The following P3H2 variants were observed in gnomAD, a reference collection of about 807,000 sequenced individuals.
The protein encoded by P3H2 is prolyl 3-hydroxylase 2, also known as leprecan-like 1.
A neutral mutation model predicts 87.0 loss-of-function variants in P3H2; 80 were observed. The observed-to-expected ratio is 0.92, with a 90% confidence interval of 0.77 to 1.11. The LOEUF (loss-of-function observed/expected upper bound fraction) is 1.11. Ranked by LOEUF, P3H2 falls within the 50% of genes least tolerant of loss-of-function variation. P3H2 has a pLI of 0.00. For synonymous variants in P3H2, 367 were observed against 359.3 expected (o/e 1.02, Z -0.24); for missense variants, 1,001 against 923.9 (o/e 1.08, Z -1.08).
At chr3:189,966,990 C>T (rs1723025131) in intron 13 of P3H2, among the ~76,000 whole-genome samples, 3 of 152,272 alleles carry the variant, frequency 2.0e-5, no homozygotes, top group Admixed American at 1.3e-4. Flanking sequence ...CCTTATGTGG[C>T]CTCAAGTTAT....
At chr3:190,120,111 T>C in intron 1 of P3H2, 141 bp downstream of exon 1, 1 of 951,404 alleles carries the variant, frequency 1.1e-6, no homozygotes, top group Admixed American at 2.2e-5. Flanking sequence ...CCACCAGATA[T>C]CTGGATTCAC....
intron 1 of P3H2, among the ~76,000 whole-genome samples, chr3:190,088,504 C>A (rs143378175): frequency 1.3e-5 from 2 of 152,164 alleles, no homozygotes; most frequent in Non-Finnish European, 2.9e-5. Flanking sequence ...TAGGTTGTTA[C>A]CAAAATTAGT....
intron 1 of P3H2, among the ~76,000 whole-genome samples, chr3:190,030,098 A>T (rs932047446): frequency 6.6e-6 from 1 of 152,158 alleles, no homozygotes; most frequent in African/African-American, 2.4e-5. Flanking sequence ...ATAATTACAT[A>T]AAATGTTTAG....
intron 1 of P3H2, among the ~76,000 whole-genome samples, chr3:190,025,722 C>T (rs994366103): frequency 2.6e-5 from 4 of 151,982 alleles, no homozygotes; most frequent in Non-Finnish European, 4.4e-5. Flanking sequence ...AAAATGAATT[C>T]GAGATATTTT....
At chr3:189,963,537 C>CATTAAAAA in intron 14 of P3H2, 2 of 206,578 alleles carry the variant, frequency 9.7e-6, no homozygotes, top group Non-Finnish European at 2.0e-5. Flanking sequence ...TTACGCCTCC[C>CATTAAAAA]AGGTTCAAGC....
At chr3:190,057,637 A>G (rs969636800) in intron 1 of P3H2, among the ~76,000 whole-genome samples, 1 of 136,944 alleles carries the variant, frequency 7.3e-6, no homozygotes, top group Admixed American at 7.1e-5. Context: ...AAGCCATCAC[A>G]CTTTATCTTA....
At chr3:190,086,200 C>G (rs748387510) in intron 1 of P3H2, among the ~76,000 whole-genome samples, 3 of 152,048 alleles carry the variant, frequency 2.0e-5, no homozygotes, top group African/African-American at 4.8e-5. Flanking sequence ...TTTTTATTCC[C>G]CAAAGCCACT....
At chr3:190,018,137 T>C (rs1245531779) in intron 1 of P3H2, among the ~76,000 whole-genome samples, 1 of 152,220 alleles carries the variant, frequency 6.6e-6, no homozygotes, top group East Asian at 1.9e-4. Context: ...TTGTTCTACT[T>C]GGCAAAGATT....
intron 8 of P3H2, among the ~76,000 whole-genome samples, chr3:189,977,123 A>G (rs1362649036): frequency 6.6e-6 from 1 of 152,214 alleles, no homozygotes; most frequent in Non-Finnish European, 1.5e-5. Flanking sequence ...GATGGGCTGC[A>G]ATGATCATTG....
intron 1 of P3H2, among the ~76,000 whole-genome samples, chr3:190,069,153 T>C (rs1268837719): frequency 6.6e-6 from 1 of 152,174 alleles, no homozygotes; most frequent in Non-Finnish European, 1.5e-5. Context: ...AATTAAGGAT[T>C]AAATATCTAT....
chr3:190,070,878 T>A (rs1726676289), intron 1 of P3H2, among the ~76,000 whole-genome samples: 2 of 152,230 alleles, frequency 1.3e-5, no homozygotes, highest in African/African-American at 2.4e-5. Flanking sequence ...GTTGTTCTTT[T>A]AGCTGACCCG....
chr3:190,108,213 G>T (rs1711926969), intron 1 of P3H2, among the ~76,000 whole-genome samples: 2 of 151,918 alleles, frequency 1.3e-5, no homozygotes, highest in Non-Finnish European at 2.9e-5. Flanking sequence ...GTGCAGTGGT[G>T]CAATCATGGC....
chr3:189,986,577 G>A (rs746293176), intron 6 of P3H2, among the ~76,000 whole-genome samples: 8 of 152,112 alleles, frequency 5.3e-5, no homozygotes, highest in African/African-American at 1.7e-4. Context: ...CGACAAGAGC[G>A]AGACTCCATC....
In P3H2 at chr3:190,064,028, G is replaced by C. The variant is rs949872788; in HGVS notation, c.480+56224C>G. On this transcript the variant is annotated intron_variant, in intron 1 of 14. Transcript: ENST00000319332. ...TTTTTTTTTGAGACAGGGTCTCACT[G>C]TTACCCAGGCTGGAGAATAGTAGGG... Among the ~76,000 whole-genome samples the C allele has an allele frequency of 5.3e-5, 6 of 113,510 alleles. No homozygotes were observed. In the Admixed American group the frequency reaches 6.5e-4, roughly 12 times the overall value. The allele number at this position is 113,510 out of a possible 152,430, so 74.5% of individuals were successfully genotyped here. A position where few individuals can be genotyped will look rare whatever the true frequency, so the allele number is the denominator to read the frequency against.
intron 1 of P3H2, among the ~76,000 whole-genome samples, chr3:190,007,647 A>AG (rs1316786270): frequency 6.6e-6 from 1 of 151,898 alleles, no homozygotes; most frequent in Admixed American, 6.6e-5. Flanking sequence ...CAAGAAGGAC[A>AG]GAAAAAAAAA....
intron 1 of P3H2, among the ~76,000 whole-genome samples, chr3:190,088,012 C>T (rs1460476050): frequency 6.6e-6 from 1 of 152,128 alleles, no homozygotes; most frequent in Non-Finnish European, 1.5e-5. Context: ...TGCAAGTTTT[C>T]TTATCAAAAC....
At position 190,018,533 on chromosome 3, in the gene P3H2, C is replaced by T. The variant is rs976524975; in HGVS notation, c.481-23091G>A. Among the ~76,000 whole-genome samples, 4 of 152,060 alleles carry T rather than the reference C, an allele frequency of 2.6e-5. No individual in the cohort carries two copies. The South Asian group carries it at 6.2e-4, about 24-fold the overall frequency. Reference sequence around the variant, plus strand: ...GACCAGCTTGGGCAACATAGCAAGACCACTGTCTCTATAAAAAATTTAAAA... The same window carrying T: ...GACCAGCTTGGGCAACATAGCAAGATCACTGTCTCTATAAAAAATTTAAAA... On this transcript the variant is annotated intron_variant, in intron 1 of 14. Coordinates refer to ENST00000319332, the MANE Select transcript of P3H2 (RefSeq NM_018192.4).
rs1383187993 is a variant in P3H2, at chr3:189,966,117, G to GAAAGAA, written c.1894-2025_1894-2020dup. On this transcript the variant is annotated intron_variant, in intron 13 of 14. Transcript: ENST00000319332. ...AAGAAAGAAAGAAAAAAGAAAGAAAGAAAGAAAAAGAAAGAAAGAAAGAAA... is the reference window on the plus strand; with the variant it reads ...AAGAAAGAAAGAAAAAAGAAAGAAAGAAAGAAAAAGAAAAAGAAAGAAAGAAAGAAA... Among the ~76,000 whole-genome samples, 121 of 91,794 alleles carry GAAAGAA rather than the reference G, an allele frequency of 1.3e-3. 2 individuals carry two copies. Among genetic ancestry groups the GAAAGAA allele is most frequent in the African/African-American group, 6.1e-3 (117 of 19,270 alleles). The allele number at this position is 91,794 out of a possible 152,430, so 60.2% of individuals were successfully genotyped here.
intron 1 of P3H2, among the ~76,000 whole-genome samples, chr3:189,996,047 T>C (rs1324455360): frequency 6.6e-6 from 1 of 152,196 alleles, no homozygotes; most frequent in African/African-American, 2.4e-5. Context: ...AAAAACAGTA[T>C]GGAGTTTCCT....
Sources: gnomAD v4.1 joint callset for allele counts (sites outside exome capture counted in the v4.1 genomes callset) on GRCh38, gnomAD v4.1.1 for gene constraint, MANE v1.5 for transcripts, NCBI Gene and HGNC (gene_info 2026-07-23, HGNC 2026-07-21) for gene names.